CCDC187: variants seen among roughly 807,000 people sequenced by gnomAD.
CCDC187 encodes the protein coiled-coil domain-containing protein 187.
Under a neutral mutation model 38.0 loss-of-function variants are expected in CCDC187, and 32 were observed. That is an observed-to-expected ratio of 0.84 (90% CI 0.64 to 1.13). The LOEUF (loss-of-function observed/expected upper bound fraction) is 1.13. CCDC187 is among the 50% of genes most tolerant of loss of function. The probability of loss-of-function intolerance (pLI) is 0.00; values close to 1 mark genes in which losing one functional copy is unlikely to be tolerated. For missense variants in CCDC187, 707 were observed against 786.8 expected (o/e 0.90, Z 1.21); for synonymous variants, 333 against 347.9 (o/e 0.96, Z 0.48).
At position 136,303,988 on chromosome 9, in the gene CCDC187, G is replaced by C. The variant is rs1182644053; in HGVS notation, c.-158C>G. On this transcript the variant is annotated 5_prime_UTR_variant, in exon 1 of 26. Transcript: ENST00000638797. The stretch of plus-strand genomic sequence containing the variant: ...TGCCTGGCTCCGGATGCCCGCCTGC[G>C]CCGGTCCCCTGGCCCACGATGGAAA... 2.6e-5 allele frequency: 4 copies of C among 152,326 alleles called. No homozygotes were observed. Among genetic ancestry groups the C allele is most frequent in the Non-Finnish European group, 4.4e-5 (3 of 68,174 alleles). 9.4% of individuals were successfully genotyped at this position (152,326 alleles called of 1,614,324 possible).
In CCDC187 at chr9:136,299,723, G is replaced by T. The variant is rs1344417131; in HGVS notation, c.724+497C>A. ...AAATGAGTAAGCAAAAACCTGGTGG[G>T]GCCCTTGGCCCCAGCCCCTTCCTCA... On this transcript the variant is annotated intron_variant, in intron 3 of 25. Coordinates refer to ENST00000638797, the MANE Select transcript of CCDC187 (RefSeq NM_001378188.1). Among the ~76,000 whole-genome samples, 4 of 152,278 alleles carry T rather than the reference G, an allele frequency of 2.6e-5. No homozygotes were observed. The South Asian group carries it at 8.3e-4, about 32-fold the overall frequency.
At position 136,260,169 on chromosome 9, in the gene CCDC187, G is replaced by T. The variant is rs1830664105; in HGVS notation, c.4160C>A (p.Thr1387Lys). 2 of 985,400 alleles carry T rather than the reference G, an allele frequency of 2.0e-6. No homozygotes were observed. The highest frequency in any genetic ancestry group is 2.4e-6 in the Non-Finnish European group (2 of 830,014). The allele number at this position is 985,400 out of a possible 1,614,324, so 61.0% of individuals were successfully genotyped here. ...CACCAGCGGGCCCTGGGGGTCGTGTGTGTCCTCGCCCCATGCTGGCCTCGG... is the reference window on the plus strand; with the variant it reads ...CACCAGCGGGCCCTGGGGGTCGTGTTTGTCCTCGCCCCATGCTGGCCTCGG... Reference protein sequence around the residue: ...QPPRPAWGEDTHDPQGPLVES... With the variant: ...QPPRPAWGEDKHDPQGPLVES... The change falls in exon 20 of 26, where the codon ACA becomes AAA. Residue 1387 changes from threonine (T) to lysine (K), a missense_variant. Transcript: ENST00000638797.
chr9:136,296,209 G>A, intron 4 of CCDC187: 1 of 152,524 alleles, frequency 6.6e-6, no homozygotes, highest in Admixed American at 6.5e-5. Context: ...CACGCAGTGT[G>A]GAGAAACTGA....
intron 1 of CCDC187, 50 bp from the exon 2 acceptor site, chr9:136,303,343 C>T: frequency 2.5e-6 from 1 of 394,980 alleles, no homozygotes; most frequent in African/African-American, 2.1e-5. Flanking sequence ...CGCAGAGGTG[C>T]CGAGCAGAGC....
intron 9 of CCDC187, among the ~76,000 whole-genome samples, chr9:136,284,576 G>A (rs898489473): frequency 5.3e-5 from 8 of 152,146 alleles, no homozygotes; most frequent in Non-Finnish European, 1.2e-4. Context: ...AAGAACGCCT[G>A]GCAGTATGCG....
intron 14 of CCDC187, among the ~76,000 whole-genome samples, chr9:136,269,600 A>T (rs1554762105): frequency 1.3e-5 from 2 of 152,142 alleles, no homozygotes; most frequent in Non-Finnish European, 2.9e-5. Flanking sequence ...GTGAGCTGAG[A>T]TTGCGCCACT....
chr9:136,298,237 C>G (rs982424912), intron 3 of CCDC187, among the ~76,000 whole-genome samples: 1 of 152,180 alleles, frequency 6.6e-6, no homozygotes, highest in South Asian at 2.1e-4. Context: ...AATGACTGGA[C>G]GGGCCAGGCC....
chr9:136,257,236 G>A lies in CCDC187; in HGVS notation c.4367-395C>T, dbSNP rs1554760427. Among the ~76,000 whole-genome samples the A allele has an allele frequency of 6.6e-6, 1 of 152,178 alleles. No individual in the cohort carries two copies. Among genetic ancestry groups the A allele is most frequent in the African/African-American group, 2.4e-5 (1 of 41,430 alleles). Reference sequence around the variant, plus strand: ...AAAAATACAAAAATTAGGCGGGCATGGTGGCGGGGGCCTATAATTCCAGCT... The same window carrying A: ...AAAAATACAAAAATTAGGCGGGCATAGTGGCGGGGGCCTATAATTCCAGCT... On this transcript the variant is annotated intron_variant, in intron 22 of 25. Transcript: ENST00000638797. This position sits in a 1 kb window ranked among gnomAD's most constrained non-coding sequence, Gnocchi z 4.5.
intron 9 of CCDC187, among the ~76,000 whole-genome samples, chr9:136,284,669 C>T (rs1264869898): frequency 4.0e-5 from 6 of 150,980 alleles, no homozygotes; most frequent in Admixed American, 1.3e-4. Flanking sequence ...CCAGCAAGAG[C>T]GAGAGGCCGG....
At chr9:136,282,734 G>T (rs1032179240) in intron 9 of CCDC187, among the ~76,000 whole-genome samples, 3 of 152,242 alleles carry the variant, frequency 2.0e-5, no homozygotes, top group African/African-American at 7.2e-5. Flanking sequence ...AGCTGTGCAG[G>T]GTCTGGTCAT....
intron 4 of CCDC187, among the ~76,000 whole-genome samples, chr9:136,292,816 G>A (rs1831367957): frequency 6.6e-6 from 1 of 152,232 alleles, no homozygotes; most frequent in Non-Finnish European, 1.5e-5. Flanking sequence ...AGCAGAGCCA[G>A]CAGTCACACG....
In CCDC187 at chr9:136,291,781, G is replaced by C. The variant is rs1443152372; in HGVS notation, c.968-136C>G. 1.3e-5 allele frequency: 5 copies of C among 397,550 alleles called. No homozygotes were observed. In the Admixed American group the frequency reaches 2.2e-4, roughly 17 times the overall value. The allele number at this position is 397,550 out of a possible 1,614,324, so 24.6% of individuals were successfully genotyped here. ...GGCCCCTGCTGGGCAGAAGCCCTCT[G>C]AGGGTGGGCACCACGCCTGTGTGAT... On this transcript the variant is annotated intron_variant, in intron 5 of 25. Transcript: ENST00000638797.
intron 4 of CCDC187, among the ~76,000 whole-genome samples, chr9:136,294,967 C>T (rs1051432597): frequency 6.6e-6 from 1 of 152,384 alleles, no homozygotes; most frequent in East Asian, 1.9e-4. Flanking sequence ...AAGTGTTTCA[C>T]TTATCCATGC....
chr9:136,283,675 C>A (rs1831101223), intron 9 of CCDC187, among the ~76,000 whole-genome samples: 1 of 152,246 alleles, frequency 6.6e-6, no homozygotes, highest in Non-Finnish European at 1.5e-5. Context: ...CTGGCCGCAC[C>A]TCTGCCCCTC....
chr9:136,299,415 C>T (rs1035556839), intron 3 of CCDC187, among the ~76,000 whole-genome samples: 2 of 152,220 alleles, frequency 1.3e-5, no homozygotes, highest in East Asian at 1.9e-4. Context: ...CCCACAAAAA[C>T]GCACATGATT....
At chr9:136,293,878 TCA>T (rs1265279028) in intron 4 of CCDC187, among the ~76,000 whole-genome samples, 98 of 150,144 alleles carry the variant, frequency 6.5e-4, no homozygotes, top group African/African-American at 2.3e-3. Context: ...GCTCTCTGAC[TCA>T]CACGCTCACA....
chr9:136,275,725 C>T (rs948583200), intron 12 of CCDC187, among the ~76,000 whole-genome samples: 7 of 152,226 alleles, frequency 4.6e-5, no homozygotes, highest in Non-Finnish European at 1.0e-4. Flanking sequence ...CTGAGCCACC[C>T]CGGGCAGTGG....
intron 12 of CCDC187, among the ~76,000 whole-genome samples, chr9:136,275,991 C>A (rs1389887480): frequency 6.6e-6 from 1 of 152,166 alleles, no homozygotes; most frequent in African/African-American, 2.4e-5. Context: ...GTGCCAGCGC[C>A]CCCAGGACAC....
chr9:136,254,138 C>T lies in CCDC187; in HGVS notation c.5690G>A (p.Ser1897Asn). The T allele has an allele frequency of 2.0e-6, 2 of 985,502 alleles. No individual in the cohort carries two copies. The highest frequency in any genetic ancestry group is 2.4e-6 in the Non-Finnish European group (2 of 829,968). 61.0% of individuals were successfully genotyped at this position (985,502 alleles called of 1,614,324 possible). A position where few individuals can be genotyped will look rare whatever the true frequency, so the allele number is the denominator to read the frequency against. Reference sequence around the variant, plus strand: ...TCCTTTGCCGAAATCTGCCCCTTCACTCAAAGAGGTCCACGAAGGAAAGAC... The same window carrying T: ...TCCTTTGCCGAAATCTGCCCCTTCATTCAAAGAGGTCCACGAAGGAAAGAC... Reference protein sequence around the residue: ...LLVFPSWTSLSEGADFGKGGE... With the variant: ...LLVFPSWTSLNEGADFGKGGE... The change falls in exon 26 of 26, where the codon AGT (serine) becomes AAT (asparagine). Residue 1897 changes from serine to asparagine, a missense_variant. Physicochemically the swap from Ser to Asn is conservative, Grantham distance 46. Transcript: ENST00000638797.
Sources: gnomAD v4.1 joint callset for allele counts (sites outside exome capture counted in the v4.1 genomes callset) on GRCh38, gnomAD v4.1.1 for gene constraint, Gnocchi (gnomAD v3.1) non-coding constraint, MANE v1.5 for transcripts, NCBI Gene and HGNC (gene_info 2026-07-23, HGNC 2026-07-21) for gene names.